Variants in ARK2N observed in about 807,000 individuals in gnomAD.
ARK2N encodes arkadia (RNF111) N-terminal like PKA signaling regulator 2N, also known as protein ARK2N.
chr18:46,179,016 C>G, the ARK2N span, among the ~76,000 whole-genome samples: 2 of 152,014 alleles, frequency 1.3e-5, no homozygotes, highest in South Asian at 2.1e-4. Flanking sequence ...GATATCTGCT[C>G]ACAGCAACCT....
At chr18:46,255,381 C>T in the ARK2N span, among the ~76,000 whole-genome samples, 8 of 151,386 alleles carry the variant, frequency 5.3e-5, no homozygotes, top group South Asian at 2.1e-4. Flanking sequence ...TATGCCTGTA[C>T]GGCTGCTTCA....
the ARK2N span, among the ~76,000 whole-genome samples, chr18:46,236,834 TTTTTTTGTTGTTG>T: frequency 2.8e-5 from 2 of 70,188 alleles, no homozygotes; most frequent in Non-Finnish European, 3.9e-5. Flanking sequence ...GCTTCTGTTT[TTTTTTTGTTGTTG>T]TTGTTGTTGT....
the ARK2N span, among the ~76,000 whole-genome samples, chr18:46,261,435 T>C: frequency 6.6e-6 from 1 of 152,358 alleles, no homozygotes. Context: ...TGAGATAATA[T>C]ATGTGAAACT....
At chr18:46,233,171 A>C in the ARK2N span, among the ~76,000 whole-genome samples, 10 of 152,182 alleles carry the variant, frequency 6.6e-5, no homozygotes, top group Admixed American at 1.3e-4. Context: ...TCTTTAAACT[A>C]TATGTCCTAC....
chr18:46,240,797 T>TA, the ARK2N span, among the ~76,000 whole-genome samples: 7 of 152,380 alleles, frequency 4.6e-5, no homozygotes, highest in African/African-American at 1.4e-4. Flanking sequence ...ATTTATTCAC[T>TA]AAAAAATCCA....
chr18:46,214,275 A>G, the ARK2N span, among the ~76,000 whole-genome samples: 6 of 152,222 alleles, frequency 3.9e-5, no homozygotes, highest in South Asian at 1.0e-3. Context: ...TGGAGATGCC[A>G]TATTGCACCT....
At chr18:46,252,345 C>G in the ARK2N span, among the ~76,000 whole-genome samples, 1 of 151,842 alleles carries the variant, frequency 6.6e-6, no homozygotes, top group Non-Finnish European at 1.5e-5. Context: ...GGCGCGATCT[C>G]GACTCACTGA....
At chr18:46,185,393 C>G in the ARK2N span, among the ~76,000 whole-genome samples, 2 of 152,168 alleles carry the variant, frequency 1.3e-5, no homozygotes, top group Non-Finnish European at 2.9e-5. Context: ...TCTGATAGCT[C>G]TGTGTGTGCA....
chr18:46,186,709 T>C, the ARK2N span, among the ~76,000 whole-genome samples: 2 of 151,666 alleles, frequency 1.3e-5, no homozygotes, highest in Admixed American at 1.3e-4. Flanking sequence ...GGGGTTTCAC[T>C]GTGTTAGCCA....
At chr18:46,233,519 C>T in the ARK2N span, among the ~76,000 whole-genome samples, 1 of 152,138 alleles carries the variant, frequency 6.6e-6, no homozygotes, top group Admixed American at 6.5e-5. Context: ...GAGTTATCTT[C>T]CAAATAACCC....
At chr18:46,230,087 G>A in the ARK2N span, among the ~76,000 whole-genome samples, 3 of 151,976 alleles carry the variant, frequency 2.0e-5, no homozygotes, top group Admixed American at 6.6e-5. Context: ...AACTGGCCCG[G>A]CTAATTTTTG....
chr18:46,240,962 C>G, the ARK2N span, among the ~76,000 whole-genome samples: 2 of 152,326 alleles, frequency 1.3e-5, no homozygotes, highest in Non-Finnish European at 2.9e-5. Flanking sequence ...GATTGAGAGA[C>G]TGCTTATGCA....
chr18:46,238,872 C>T, the ARK2N span, among the ~76,000 whole-genome samples: 1 of 152,092 alleles, frequency 6.6e-6, no homozygotes. Context: ...AGATGCATTC[C>T]TTCATAGTCA....
At chr18:46,233,947 A>C in the ARK2N span, among the ~76,000 whole-genome samples, 1 of 152,106 alleles carries the variant, frequency 6.6e-6, no homozygotes, top group Non-Finnish European at 1.5e-5. Context: ...TTACTGAAAT[A>C]ATTTTCTGAT....
At chr18:46,221,700 T>G in the ARK2N span, among the ~76,000 whole-genome samples, 1 of 152,246 alleles carries the variant, frequency 6.6e-6, no homozygotes, top group Non-Finnish European at 1.5e-5. Flanking sequence ...TTTTTCTTAC[T>G]AATTTTTGAG....
chr18:46,200,996 T>C, the ARK2N span, among the ~76,000 whole-genome samples: 2 of 149,938 alleles, frequency 1.3e-5, no homozygotes, highest in Admixed American at 6.7e-5. Flanking sequence ...TTTTTTTTTT[T>C]TGAGACAGGG....
At chr18:46,229,713 C>G in the ARK2N span, among the ~76,000 whole-genome samples, 1 of 151,882 alleles carries the variant, frequency 6.6e-6, no homozygotes, top group African/African-American at 2.4e-5. Context: ...ACCTCCCAGG[C>G]TCAAGTGATC....
the ARK2N span, chr18:46,266,665 A>G: frequency 6.5e-6 from 1 of 152,686 alleles, no homozygotes; most frequent in African/African-American, 2.4e-5. Flanking sequence ...TTGTATGGCT[A>G]GGAACCAATG....
the ARK2N span, among the ~76,000 whole-genome samples, chr18:46,185,084 A>G: frequency 6.6e-6 from 1 of 152,248 alleles, no homozygotes. Flanking sequence ...GTATTTTCAT[A>G]TACAAATGAA....
Sources: gnomAD v4.1 joint callset for allele counts (sites outside exome capture counted in the v4.1 genomes callset) on GRCh38, gnomAD v4.1.1 for gene constraint, MANE v1.5 for transcripts, NCBI Gene and HGNC (gene_info 2026-07-23, HGNC 2026-07-21) for gene names.